ADAMTS3: variants seen among roughly 807,000 people sequenced by gnomAD.
ADAMTS3 encodes ADAM metallopeptidase with thrombospondin type 1 motif 3.
ADAMTS3 carries 73 observed loss-of-function variants against 129.0 expected under a neutral mutation model. The observed-to-expected ratio is 0.57, with a 90% confidence interval of 0.47 to 0.69. ADAMTS3 has a LOEUF of 0.69. Among genes scored for constraint, ADAMTS3 ranks in the 30% least tolerant of loss-of-function variants. The probability of loss-of-function intolerance (pLI) is 0.00; values close to 1 mark genes in which losing one functional copy is unlikely to be tolerated. For synonymous variants in ADAMTS3, 477 were observed against 510.8 expected (o/e 0.93, Z 0.89); for missense variants, 1,457 against 1,514.5 (o/e 0.96, Z 0.63).
chr4:72,365,427 A>G (rs962984209), intron 4 of ADAMTS3, among the ~76,000 whole-genome samples: 1 of 152,230 alleles, frequency 6.6e-6, no homozygotes, highest in Non-Finnish European at 1.5e-5. Flanking sequence ...TATTATCAGT[A>G]TAATCAAGCT....
intron 3 of ADAMTS3, among the ~76,000 whole-genome samples, chr4:72,465,557 G>A (rs1718896407): frequency 1.3e-5 from 2 of 151,930 alleles, no homozygotes; most frequent in South Asian, 2.1e-4. Context: ...TCAAACATTT[G>A]TTCAGCATTA....
At position 72,389,402 on chromosome 4, in the gene ADAMTS3, C is replaced by T. The variant is rs192941284; in HGVS notation, c.661+25413G>A. ...TTAGCCATATCTGTAACATTTGAAA[C>T]ATTTAAAACAAACATGGAAAAATAT... On this transcript the variant is annotated intron_variant, in intron 4 of 21. Coordinates refer to ENST00000286657, the MANE Select transcript of ADAMTS3 (RefSeq NM_014243.3). Among the ~76,000 whole-genome samples the T allele has an allele frequency of 1.3e-3, 199 of 151,794 alleles. 1 individual carries two copies. Among genetic ancestry groups the T allele is most frequent in the African/African-American group, 4.6e-3 (192 of 41,402 alleles).
intron 4 of ADAMTS3, among the ~76,000 whole-genome samples, chr4:72,410,542 G>A (rs1181394030): frequency 6.6e-6 from 1 of 152,114 alleles, no homozygotes; most frequent in African/African-American, 2.4e-5. Flanking sequence ...AGGGCCTAGG[G>A]ATTAAATTAA....
chr4:72,401,286 G>A (rs1004701042), intron 4 of ADAMTS3, among the ~76,000 whole-genome samples: 5 of 152,036 alleles, frequency 3.3e-5, no homozygotes, highest in Admixed American at 3.3e-4. Context: ...TATGCTATGG[G>A]CTGGGCACGG....
intron 2 of ADAMTS3, among the ~76,000 whole-genome samples, chr4:72,560,900 A>G (rs1293763053): frequency 6.6e-6 from 1 of 152,194 alleles, no homozygotes. Flanking sequence ...CACACAAGAA[A>G]GTAACACTTT....
intron 3 of ADAMTS3, among the ~76,000 whole-genome samples, chr4:72,511,521 A>G (rs867247636): frequency 9.2e-5 from 14 of 152,368 alleles, no homozygotes; most frequent in Non-Finnish European, 1.6e-4. Flanking sequence ...AACGTGCTCA[A>G]CATCACTGAT....
At chr4:72,530,511 T>A (rs1409114389) in intron 3 of ADAMTS3, among the ~76,000 whole-genome samples, 4 of 90,030 alleles carry the variant, frequency 4.4e-5, no homozygotes, top group Non-Finnish European at 7.6e-5. Flanking sequence ...AATATATATT[T>A]ATATATAAAT....
At chr4:72,379,624 T>C (rs920213026) in intron 4 of ADAMTS3, among the ~76,000 whole-genome samples, 1 of 152,120 alleles carries the variant, frequency 6.6e-6, no homozygotes, top group African/African-American at 2.4e-5. Context: ...AAATATTGGA[T>C]TCAAGTTTTG....
At chr4:72,481,269 C>T (rs1371832584) in intron 3 of ADAMTS3, among the ~76,000 whole-genome samples, 1 of 152,042 alleles carries the variant, frequency 6.6e-6, no homozygotes, top group African/African-American at 2.4e-5. Flanking sequence ...AATAATAAAG[C>T]AGGAATAATC....
At chr4:72,330,144 G>A (rs1461205566) in intron 5 of ADAMTS3, among the ~76,000 whole-genome samples, 6 of 151,858 alleles carry the variant, frequency 4.0e-5, no homozygotes, top group Non-Finnish European at 8.8e-5. Flanking sequence ...TCAGCCTCCC[G>A]AGAAGCTGGG....
chr4:72,477,662 T>G (rs1164522646), intron 3 of ADAMTS3, among the ~76,000 whole-genome samples: 10 of 151,834 alleles, frequency 6.6e-5, no homozygotes, highest in South Asian at 2.1e-4. Context: ...ACATTCAAAA[T>G]CTAGCAGAAG....
At chr4:72,329,409 C>T (rs994996730) in intron 5 of ADAMTS3, among the ~76,000 whole-genome samples, 6 of 152,034 alleles carry the variant, frequency 3.9e-5, no homozygotes, top group African/African-American at 9.7e-5. Context: ...AGAGCAAGTG[C>T]GAAAGCTCAA....
At chr4:72,530,393 A>G (rs1720977277) in intron 3 of ADAMTS3, among the ~76,000 whole-genome samples, 1 of 83,542 alleles carries the variant, frequency 1.2e-5, no homozygotes, top group Non-Finnish European at 2.0e-5. Context: ...TATTAAATTA[A>G]CATATATGAA....
chr4:72,377,550 A>G (rs1257428686), intron 4 of ADAMTS3, among the ~76,000 whole-genome samples: 1 of 152,212 alleles, frequency 6.6e-6, no homozygotes, highest in Non-Finnish European at 1.5e-5. Context: ...CAGTAGTCCC[A>G]GTATGACTGG....
chr4:72,455,267 A>G (rs1030952641), intron 3 of ADAMTS3, among the ~76,000 whole-genome samples: 3 of 151,772 alleles, frequency 2.0e-5, no homozygotes, highest in Non-Finnish European at 1.5e-5. Context: ...AATGTGGCAC[A>G]TATAACACCA....
At position 72,283,012 on chromosome 4, in the gene ADAMTS3, C is replaced by T; in HGVS notation, c.*124G>A. ...AAGTGAGCCAGCACTTTCTGTTCTTCCAATTACAGATAAAATGAGCTGACG... is the reference window on the plus strand; with the variant it reads ...AAGTGAGCCAGCACTTTCTGTTCTTTCAATTACAGATAAAATGAGCTGACG... On this transcript the variant is annotated 3_prime_UTR_variant, in exon 22 of 22. Coordinates refer to ENST00000286657, the MANE Select transcript of ADAMTS3 (RefSeq NM_014243.3). 1 of 818,348 alleles carries T rather than the reference C, an allele frequency of 1.2e-6. No individual in the cohort carries two copies. The highest frequency in any genetic ancestry group is 1.9e-6 in the Non-Finnish European group (1 of 526,238). The allele number at this position is 818,348 out of a possible 1,614,324, so 50.7% of individuals were successfully genotyped here.
chr4:72,385,276 G>C (rs961396151), intron 4 of ADAMTS3, among the ~76,000 whole-genome samples: 3 of 151,822 alleles, frequency 2.0e-5, no homozygotes, highest in African/African-American at 7.3e-5. Flanking sequence ...TAACTCTAAG[G>C]ACACCTGAAA....
intron 3 of ADAMTS3, among the ~76,000 whole-genome samples, chr4:72,530,182 T>C (rs1224689457): frequency 1.4e-5 from 1 of 71,792 alleles, no homozygotes; most frequent in African/African-American, 5.6e-5. Context: ...AATATATATT[T>C]ATATTATATA....
At chr4:72,498,974 C>T (rs551193619) in intron 3 of ADAMTS3, among the ~76,000 whole-genome samples, 1 of 152,188 alleles carries the variant, frequency 6.6e-6, no homozygotes, top group Admixed American at 6.5e-5. Flanking sequence ...AGATTATGGT[C>T]CACAGACCAC....
Sources: gnomAD v4.1 joint callset for allele counts (sites outside exome capture counted in the v4.1 genomes callset) on GRCh38, gnomAD v4.1.1 for gene constraint, MANE v1.5 for transcripts, NCBI Gene and HGNC (gene_info 2026-07-23, HGNC 2026-07-21) for gene names.